The following PRKAR1A variants were observed in gnomAD, a reference collection of about 807,000 sequenced individuals.
PRKAR1A encodes the protein cAMP-dependent protein kinase type I-alpha regulatory subunit.
PRKAR1A carries 3 observed loss-of-function variants against 52.0 expected under a neutral mutation model. The ratio of observed to expected loss-of-function variants is 0.06; its 90% CI spans 0.03 to 0.15. The LOEUF is 0.15. Among genes scored for constraint, PRKAR1A ranks in the 10% least tolerant of loss-of-function variants. The pLI is 1.00. For synonymous variants in PRKAR1A, 188 were observed against 168.4 expected (o/e 1.12, Z -0.90); for missense variants, 240 against 477.4 (o/e 0.50, Z 4.63).
chr17:68,429,567 G>A, the PRKAR1A span, among the ~76,000 whole-genome samples: 22 of 152,040 alleles, frequency 1.4e-4, no homozygotes, highest in African/African-American at 2.7e-4. Context: ...GTTTGATTCC[G>A]CTCACCCTTC....
At chr17:68,519,783 G>C (rs909753777) in intron 2 of PRKAR1A, among the ~76,000 whole-genome samples, 2 of 152,216 alleles carry the variant, frequency 1.3e-5, no homozygotes, top group Admixed American at 1.3e-4. Flanking sequence ...CCTTAGGTAA[G>C]AGGAATTAAA....
chr17:68,422,959 C>A, the PRKAR1A span, among the ~76,000 whole-genome samples: 1 of 152,056 alleles, frequency 6.6e-6, no homozygotes, highest in Non-Finnish European at 1.5e-5. Flanking sequence ...AAAAGTAAAT[C>A]CCAAGGAGGC....
At chr17:68,508,227 G>A (rs2085221794), upstream of PRKAR1A, among the ~76,000 whole-genome samples, 1 of 152,124 alleles carries the variant, frequency 6.6e-6, no homozygotes, top group African/African-American at 2.4e-5. Flanking sequence ...AAAGACACAT[G>A]CATGCTTATG....
the PRKAR1A span, chr17:68,428,821 C>G: frequency 6.2e-7 from 1 of 1,608,230 alleles, no homozygotes; most frequent in Non-Finnish European, 8.5e-7. Context: ...GAAAAGCAGT[C>G]TCTTCACCTG....
chr17:68,444,500 G>T, the PRKAR1A span: 1 of 1,613,136 alleles, frequency 6.2e-7, no homozygotes, highest in South Asian at 1.1e-5. Context: ...CACCTGTTGG[G>T]TTTGCAGGAA....
At chr17:68,481,733 AT>A in the PRKAR1A span, among the ~76,000 whole-genome samples, 1 of 151,962 alleles carries the variant, frequency 6.6e-6, no homozygotes, top group Non-Finnish European at 1.5e-5. Flanking sequence ...CCATTCATTC[AT>A]TTTTTTCGTG....
chr17:68,455,770 T>G, the PRKAR1A span, among the ~76,000 whole-genome samples: 1 of 152,234 alleles, frequency 6.6e-6, no homozygotes, highest in South Asian at 2.1e-4. Flanking sequence ...TTGCGTTATT[T>G]AATGGCTAGA....
chr17:68,504,509 G>A, the PRKAR1A span, among the ~76,000 whole-genome samples: 1 of 152,104 alleles, frequency 6.6e-6, no homozygotes, highest in Non-Finnish European at 1.5e-5. Context: ...GTACTATTCA[G>A]CCATAAAAAA....
upstream of PRKAR1A, among the ~76,000 whole-genome samples, chr17:68,508,295 G>C (rs2085222567): frequency 6.6e-6 from 1 of 152,216 alleles, no homozygotes; most frequent in South Asian, 2.1e-4. Flanking sequence ...ATGCCCATCA[G>C]TGGTAGTCTG....
At chr17:68,511,665 CG>C (rs10719461), upstream of PRKAR1A, 152,380 of 152,382 alleles carry the variant, frequency 1, 76,189 homozygotes, top group Middle Eastern at 1. Context: ...GCACCCCCGG[CG>C]GGGGAGAGCG....
At chr17:68,417,993 C>G in the PRKAR1A span, among the ~76,000 whole-genome samples, 2,561 of 151,924 alleles carry the variant, frequency 0.017, 80 homozygotes, top group African/African-American at 0.059. Flanking sequence ...ACCTCCCAAA[C>G]TGCTGGGATT....
chr17:68,521,546 T>G (rs944889313), intron 2 of PRKAR1A, among the ~76,000 whole-genome samples: 2 of 152,252 alleles, frequency 1.3e-5, no homozygotes, highest in African/African-American at 4.8e-5. Context: ...TTCTTAAACT[T>G]TAAACTTGGG....
chr17:68,495,559 C>T, the PRKAR1A span, among the ~76,000 whole-genome samples: 1 of 152,192 alleles, frequency 6.6e-6, no homozygotes, highest in Non-Finnish European at 1.5e-5. Context: ...GAAAGACTTA[C>T]TTCTTCCCAT....
chr17:68,436,260 C>T, the PRKAR1A span: 1 of 836,274 alleles, frequency 1.2e-6, no homozygotes, highest in Non-Finnish European at 2.0e-6. Context: ...TTGAACAACT[C>T]CCCAGTATTG....
At chr17:68,475,040 A>G in the PRKAR1A span, among the ~76,000 whole-genome samples, 1 of 152,232 alleles carries the variant, frequency 6.6e-6, no homozygotes, top group Non-Finnish European at 1.5e-5. Context: ...CTGAAAATCA[A>G]TGAATACATT....
intron 11 of PRKAR1A, among the ~76,000 whole-genome samples, chr17:68,550,405 G>T (rs1315985712): frequency 4.4e-5 from 5 of 112,990 alleles, no homozygotes; most frequent in Non-Finnish European, 6.7e-5. Context: ...TTAAGATAGA[G>T]AGTCTCCCTC....
At chr17:68,420,602 C>A in the PRKAR1A span, 1 of 997,054 alleles carries the variant, frequency 1.0e-6, no homozygotes, top group East Asian at 2.4e-5. Context: ...TTGCATATCC[C>A]TTCTGTATCC....
At chr17:68,543,749 G>A in intron 11 of PRKAR1A, 1 of 1,586,496 alleles carries the variant, frequency 6.3e-7, no homozygotes, top group Non-Finnish European at 8.7e-7. Context: ...ATCACGCCCT[G>A]GACTCAGACT....
chr17:68,424,298 C>T, the PRKAR1A span, among the ~76,000 whole-genome samples: 1,726 of 152,294 alleles, frequency 0.011, 36 homozygotes, highest in African/African-American at 0.04. Flanking sequence ...TGCGACCGAC[C>T]CGCAGAGCCG....
Sources: gnomAD v4.1 joint callset for allele counts (sites outside exome capture counted in the v4.1 genomes callset) on GRCh38, gnomAD v4.1.1 for gene constraint, MANE v1.5 for transcripts, NCBI Gene and HGNC (gene_info 2026-07-23, HGNC 2026-07-21) for gene names.